Variants in INTS4 observed in about 807,000 individuals in gnomAD.
INTS4 encodes integrator complex subunit 4.
INTS4 carries 70 observed loss-of-function variants against 119.5 expected under a neutral mutation model. That is an observed-to-expected ratio of 0.59 (90% CI 0.48 to 0.71). INTS4 has a LOEUF of 0.71. Among genes scored for constraint, INTS4 ranks in the 30% least tolerant of loss-of-function variants. INTS4 has a pLI of 0.00. For missense variants in INTS4, 867 were observed against 1,173.2 expected (o/e 0.74, Z 3.81); for synonymous variants, 316 against 419.6 (o/e 0.75, Z 3.02).
chr11:77,883,214 C>T lies in INTS4; in HGVS notation c.2713+618G>A, dbSNP rs75649908. Reference sequence around the variant, plus strand: ...TTAAACACCTCCAGTAACAGTGCTCCTGAACCATCTCCAATTATTTGGGAA... The same window carrying T: ...TTAAACACCTCCAGTAACAGTGCTCTTGAACCATCTCCAATTATTTGGGAA... On this transcript the variant is annotated intron_variant, in intron 22 of 22. Coordinates refer to ENST00000534064, the MANE Select transcript of INTS4 (RefSeq NM_033547.4). 8.0e-4 allele frequency among the ~76,000 whole-genome samples: 122 copies of T among 152,230 alleles called. 1 individual carries two copies. The highest frequency in any genetic ancestry group is 2.8e-3 in the African/African-American group (117 of 41,536).
At position 77,935,071 on chromosome 11, in the gene INTS4, C is replaced by T. The variant is rs545472524; in HGVS notation, c.1165+3580G>A. 3.3e-5 allele frequency among the ~76,000 whole-genome samples: 5 copies of T among 152,264 alleles called. No individual in the cohort carries two copies. In the South Asian group the frequency reaches 1.0e-3, roughly 32 times the overall value. On this transcript the variant is annotated intron_variant, in intron 10 of 22. Coordinates refer to ENST00000534064, the MANE Select transcript of INTS4 (RefSeq NM_033547.4). ...TAATGAAGAGGCTGGAGTCAATCAT[C>T]TCAAAGCACTGAAATTCTGAGATGT...
At chr11:77,988,652 C>T (rs754767964) in intron 2 of INTS4, among the ~76,000 whole-genome samples, 1 of 152,120 alleles carries the variant, frequency 6.6e-6, no homozygotes, top group Non-Finnish European at 1.5e-5. Flanking sequence ...CATTTGCATG[C>T]TGATAGCTGC....
chr11:77,986,247 C>T (rs1403385736), intron 2 of INTS4, among the ~76,000 whole-genome samples: 1 of 152,182 alleles, frequency 6.6e-6, no homozygotes, highest in Non-Finnish European at 1.5e-5. Flanking sequence ...AAATGCTCAC[C>T]ATCACTGGTC....
At chr11:77,974,333 C>T (rs764718858) in intron 4 of INTS4, among the ~76,000 whole-genome samples, 14 of 148,600 alleles carry the variant, frequency 9.4e-5, no homozygotes, top group Non-Finnish European at 1.2e-4. Context: ...ACCTCTGCCT[C>T]CCAGGTTCAA....
intron 18 of INTS4, among the ~76,000 whole-genome samples, chr11:77,897,805 ATAT>A (rs929553141): frequency 6.6e-6 from 1 of 151,498 alleles, no homozygotes; most frequent in Non-Finnish European, 1.5e-5. Flanking sequence ...GCACCCAGCC[ATAT>A]TATTGTTATT....
At chr11:77,879,506 G>A (rs1483924584) in intron 22 of INTS4, among the ~76,000 whole-genome samples, 1 of 152,158 alleles carries the variant, frequency 6.6e-6, no homozygotes, top group African/African-American at 2.4e-5. Context: ...GGCTCTTCCT[G>A]CGCAGTTCCA....
intron 17 of INTS4, among the ~76,000 whole-genome samples, chr11:77,903,299 G>T (rs1029114699): frequency 2.0e-5 from 3 of 152,258 alleles, no homozygotes; most frequent in Non-Finnish European, 4.4e-5. Context: ...CTCTGGCTCC[G>T]CCTTGGACCA....
intron 2 of INTS4, among the ~76,000 whole-genome samples, chr11:77,989,830 T>A (rs1250344473): frequency 2.0e-5 from 3 of 151,292 alleles, no homozygotes; most frequent in Admixed American, 1.3e-4. Flanking sequence ...GCCTCGGAGG[T>A]CGAGGGTACA....
At chr11:77,975,691 C>T (rs1039641453) in intron 4 of INTS4, among the ~76,000 whole-genome samples, 2 of 152,132 alleles carry the variant, frequency 1.3e-5, no homozygotes, top group East Asian at 1.9e-4. Flanking sequence ...GGTGCAGTGG[C>T]TCACACCTGT....
At chr11:77,919,041 C>T in intron 14 of INTS4, 63 bp from the exon 15 acceptor site, 2 of 1,529,520 alleles carry the variant, frequency 1.3e-6, no homozygotes, top group Non-Finnish European at 1.8e-6. Context: ...AACACACACA[C>T]AAACACATAA....
intron 3 of INTS4, among the ~76,000 whole-genome samples, chr11:77,980,329 T>C (rs1469477561): frequency 6.6e-6 from 1 of 152,148 alleles, no homozygotes; most frequent in Non-Finnish European, 1.5e-5. Flanking sequence ...GAAAAAATGA[T>C]ACTTCTGTAC....
intron 15 of INTS4, among the ~76,000 whole-genome samples, chr11:77,913,923 GT>G (rs752524587): frequency 1.6e-4 from 24 of 152,118 alleles, no homozygotes; most frequent in Non-Finnish European, 1.6e-4. Flanking sequence ...CTCAGAAAGT[GT>G]AAGTTGTGGA....
intron 4 of INTS4, chr11:77,978,783 T>C: frequency 3.6e-6 from 1 of 280,764 alleles, no homozygotes; most frequent in East Asian, 6.4e-5. Flanking sequence ...AGTGCATTAT[T>C]AGGCACAATA....
downstream of INTS4, chr11:77,877,132 T>TA (rs1473963392): frequency 2.7e-5 from 18 of 671,546 alleles, no homozygotes; most frequent in Middle Eastern, 2.5e-4. Flanking sequence ...CTCGTGGAAA[T>TA]AGACTGCCTG....
chr11:77,914,500 G>T (rs539183136), intron 15 of INTS4, among the ~76,000 whole-genome samples: 2 of 152,350 alleles, frequency 1.3e-5, no homozygotes, highest in Admixed American at 1.3e-4. Context: ...AGGGAGAAGA[G>T]AAATCGCTTC....
intron 8 of INTS4, among the ~76,000 whole-genome samples, chr11:77,947,108 AG>A (rs1954066692): frequency 2.7e-5 from 4 of 150,188 alleles, no homozygotes; most frequent in African/African-American, 9.7e-5. Flanking sequence ...ACCCATTAAG[AG>A]GAAAAAAAAA....
At chr11:77,904,473 T>C (rs993515510) in intron 16 of INTS4, among the ~76,000 whole-genome samples, 8 of 152,222 alleles carry the variant, frequency 5.3e-5, no homozygotes, top group Non-Finnish European at 1.2e-4. Context: ...TTTAAATTAT[T>C]AATTAGTTTA....
At chr11:77,917,336 TGGA>T (rs1025347356) in intron 15 of INTS4, among the ~76,000 whole-genome samples, 7 of 150,860 alleles carry the variant, frequency 4.6e-5, no homozygotes, top group African/African-American at 1.7e-4. Context: ...TTTTTTGAGA[TGGA>T]GTCTCACTCT....
intron 7 of INTS4, among the ~76,000 whole-genome samples, chr11:77,956,552 T>A (rs1954326650): frequency 6.6e-6 from 1 of 151,554 alleles, no homozygotes; most frequent in Admixed American, 6.6e-5. Flanking sequence ...ACTAAAAATA[T>A]AAAAATTAGC....
Sources: allele counts gnomAD v4.1 joint callset (sites outside exome capture counted in the v4.1 genomes callset), GRCh38; gene constraint gnomAD v4.1.1; transcripts MANE v1.5; gene names NCBI Gene and HGNC (gene_info 2026-07-23, HGNC 2026-07-21).